Variants in TELO2 observed in about 807,000 individuals in gnomAD.
TELO2 encodes telomere length regulation protein TEL2 homolog.
In TELO2, 71 loss-of-function variants were observed where a neutral mutation model predicts 91.0. That is an observed-to-expected ratio of 0.78 (90% CI 0.64 to 0.95). TELO2 has a LOEUF of 0.95. Among genes scored for constraint, TELO2 ranks in the 40% least tolerant of loss-of-function variants. The probability of loss-of-function intolerance (pLI) is 0.00; values close to 1 mark genes in which losing one functional copy is unlikely to be tolerated. For synonymous variants in TELO2, 584 were observed against 518.9 expected, an observed-to-expected ratio of 1.13 and a Z score of -1.71; for missense variants, 1,183 against 1,141.3, an observed-to-expected ratio of 1.04 and a Z score of -0.53.
chr16:1,500,037 C>A, intron 6 of TELO2, 59 bp from the exon 7 acceptor site: 1 of 1,560,040 alleles, frequency 6.4e-7, no homozygotes. Flanking sequence ...GCCTTGGGAG[C>A]CCCGGGCTGG....
At chr16:1,502,429 G>T in intron 13 of TELO2, 25 bp downstream of exon 13, 2 of 1,574,056 alleles carry the variant, frequency 1.3e-6, no homozygotes, top group South Asian at 1.2e-5. Context: ...GGAGTGGGTG[G>T]GGAGGCCCAA....
In TELO2 at chr16:1,500,178, G is replaced by T; in HGVS notation, c.1002+14G>T. 1 of 1,596,384 alleles carries T rather than the reference G, an allele frequency of 6.3e-7. No homozygotes were observed. Reference sequence around the variant, plus strand: ...CTCCTGCTGCAGGTACGTGCCTCCTGGCTCTCCGTCCCTGCGAGGCCCTGG... The same window carrying T: ...CTCCTGCTGCAGGTACGTGCCTCCTTGCTCTCCGTCCCTGCGAGGCCCTGG... On this transcript the variant is annotated intron_variant, in intron 7 of 20. Transcript: ENST00000262319.
intron 18 of TELO2, 25 bp from the exon 19 acceptor site, chr16:1,507,281 T>C (rs1366781104): frequency 1.9e-6 from 3 of 1,605,210 alleles, no homozygotes; most frequent in East Asian, 2.2e-5. Context: ...GGGACCCCAC[T>C]GACTGTCCCT....
chr16:1,509,983 C>T lies in TELO2; in HGVS notation c.*47C>T, dbSNP rs748837231. ...CCACCCTCGCCGACAGCAAGGCAGG[C>T]GGCTGAGCAGCGGCCTGGAGCAGCA... is the stretch of plus-strand genomic sequence containing the variant. On this transcript the variant is annotated 3_prime_UTR_variant, in exon 21 of 21. Coordinates refer to ENST00000262319, the MANE Select transcript of TELO2 (RefSeq NM_016111.4). The T allele has an allele frequency of 1.4e-5, 21 of 1,514,728 alleles. No homozygotes were observed. The highest frequency in any genetic ancestry group is 7.3e-5 in the East Asian group (3 of 40,998). The allele number at this position is 1,514,728 out of a possible 1,614,324, so 93.8% of individuals were successfully genotyped here.
At chr16:1,502,610 C>T in intron 13 of TELO2, 35 bp from the exon 14 acceptor site, 1 of 1,598,892 alleles carries the variant, frequency 6.3e-7, no homozygotes, top group Non-Finnish European at 8.5e-7. Flanking sequence ...GCAGCTGGGT[C>T]CGACAGGTTT....
chr16:1,506,272 G>A lies in TELO2; in HGVS notation c.2069G>A (p.Ser690Asn), dbSNP rs142181380. The A allele has an allele frequency of 6.2e-7, 1 of 1,613,888 alleles. No individual in the cohort carries two copies. The highest frequency in any genetic ancestry group is 8.5e-7 in the Non-Finnish European group (1 of 1,180,012). Residue 690 changes from serine (S) to asparagine (N), a missense_variant, in exon 17 of 21, where the codon AGC (serine) becomes AAC (asparagine). Ser to Asn is a conservative substitution (Grantham distance 46). Transcript: ENST00000262319. ...GPRQGPAGSPSRFNSVAGHFF... is the reference protein window; with the variant it reads ...GPRQGPAGSPNRFNSVAGHFF... ...AGGCAGGGCCCGGCAGGCAGCCCCA[G>A]CAGATTCAACTCCGTGGCCGGCCAC... is the stretch of plus-strand genomic sequence containing the variant.
chr16:1,494,492 AGCCC>A lies in TELO2; in HGVS notation c.212_215del (p.Ser71LysfsTer32). On this transcript the variant is annotated frameshift_variant, in exon 2 of 21. Transcript: ENST00000262319. LOFTEE classifies it high-confidence loss of function. This position sits in a 1 kb window ranked among gnomAD's most constrained non-coding sequence, Gnocchi z 5.6. ...CCTCAGATGTCTTGCCAGCAGGCTG[AGCCC>A]AGCCTGGCTGGAGCTGCTGCCCCAT... 6.2e-7 allele frequency: 1 copy of A among 1,613,192 alleles called. No individual in the cohort carries two copies. Among genetic ancestry groups the A allele is most frequent in the East Asian group, 2.2e-5 (1 of 44,850 alleles).
chr16:1,500,551 C>T lies in TELO2; in HGVS notation c.1145-12C>T, dbSNP rs753115565. 2.5e-5 allele frequency: 40 copies of T among 1,611,188 alleles called. No homozygotes were observed. Among genetic ancestry groups the T allele is most frequent in the Middle Eastern group, 3.3e-4 (2 of 6,066 alleles). ...CCCCGAGGTGCTCAGGGGGCCTGTC[C>T]GGTGCTTGCAGAACTGCTGGCCAGC... On this transcript the variant is annotated splice_polypyrimidine_tract_variant and intron_variant, in intron 8 of 20. Coordinates refer to ENST00000262319, the MANE Select transcript of TELO2 (RefSeq NM_016111.4).
At chr16:1,500,769 C>T in intron 9 of TELO2, 70 bp downstream of exon 9, 1 of 1,568,586 alleles carries the variant, frequency 6.4e-7, no homozygotes, top group Non-Finnish European at 8.6e-7. Flanking sequence ...CCTCTCCAGC[C>T]CCAGGGTCAC....
rs2141047342 is a variant in TELO2 at position 1,502,318 on chromosome 16, A to C, written c.1567A>C (p.Thr523Pro). ...AYVRDCVEALTTSEDIERWEA... is the reference protein window; with the variant it reads ...AYVRDCVEALPTSEDIERWEA... ...CCTCTCTGGGTTCTGTGCAGCCCTG[A>C]CCACGTCTGAGGACATAGAGCGCTG... is the stretch of plus-strand genomic sequence containing the variant. The change falls in exon 13 of 21, where the codon ACC becomes CCC. Residue 523 changes from threonine to proline, a missense_variant. Physicochemically the swap from Thr to Pro is conservative, Grantham distance 38 (BLOSUM62 -1). Transcript: ENST00000262319. 1 of 1,603,980 alleles carries C rather than the reference A, an allele frequency of 6.2e-7. No homozygotes were observed. Among genetic ancestry groups the C allele is most frequent in the East Asian group, 2.2e-5 (1 of 44,526 alleles).
Position 1,495,337 on chromosome 16 carries a change from TATC to T in TELO2, c.336-8_336-6del. On this transcript the variant is annotated splice_region_variant and splice_polypyrimidine_tract_variant and intron_variant, in intron 2 of 20. Transcript: ENST00000262319. ...TTGGCGGCTCTGCCCAACACGCCCG[TATC>T]TTCAGCCCCAGCTTCCGGCTGATGA... The T allele has an allele frequency of 6.5e-7, 1 of 1,535,786 alleles. No individual in the cohort carries two copies. Among genetic ancestry groups the T allele is most frequent in the Non-Finnish European group, 8.8e-7 (1 of 1,136,394 alleles).
In TELO2 at chr16:1,495,592, G is replaced by A. The variant is rs1405731378; in HGVS notation, c.582G>A (p.Arg194=). Residue 194 remains arginine, a synonymous_variant, in exon 3 of 21, where the codon CGG becomes CGA. Transcript: ENST00000262319. The part of the protein sequence containing the change: ...YFRLLGEEVV[R]VLQAVVDSLQ... ...GCCTGCTCGGCGAGGAGGTCGTCCG[G>A]GTGCTGCAGGCGGTTGTGGACTCTC... 2 of 1,606,054 alleles carry A rather than the reference G, an allele frequency of 1.2e-6. No individual in the cohort carries two copies. Among genetic ancestry groups the A allele is most frequent in the South Asian group, 1.1e-5 (1 of 90,828 alleles).
At chr16:1,506,439 G>A (rs1221002329) in intron 17 of TELO2, 110 bp downstream of exon 17, 1 of 1,585,292 alleles carries the variant, frequency 6.3e-7, no homozygotes, top group East Asian at 2.3e-5. Flanking sequence ...TGTGAACAGG[G>A]TCGTGCTTTG....
chr16:1,506,442 G>T, intron 17 of TELO2, 113 bp downstream of exon 17: 1 of 1,575,860 alleles, frequency 6.3e-7, no homozygotes, highest in Non-Finnish European at 8.6e-7. Context: ...GAACAGGGTC[G>T]TGCTTTGCTG....
rs1596251188 is a variant in TELO2, at chr16:1,496,463, G to A, written c.614-573G>A. Among the ~76,000 whole-genome samples the A allele has an allele frequency of 2.0e-5, 3 of 152,370 alleles. No individual in the cohort carries two copies. The East Asian group carries it at 5.8e-4, about 29-fold the overall frequency. ...GTGCATGGGCCCATGTATTAAGGAG[G>A]CTTTGGGAACATCTCGGACACATGT... On this transcript the variant is annotated intron_variant, in intron 3 of 20. Coordinates refer to ENST00000262319, the MANE Select transcript of TELO2 (RefSeq NM_016111.4).
chr16:1,498,878 AT>A (rs1418049058), intron 5 of TELO2, among the ~76,000 whole-genome samples: 2 of 152,166 alleles, frequency 1.3e-5, no homozygotes, highest in East Asian at 3.9e-4. Context: ...CTTGGACAAA[AT>A]TTGGCCCGCT....
intron 5 of TELO2, among the ~76,000 whole-genome samples, chr16:1,498,775 C>T (rs1001436714): frequency 4.6e-5 from 7 of 152,198 alleles, no homozygotes; most frequent in African/African-American, 1.7e-4. Flanking sequence ...TCTGTTTCCA[C>T]ACTGGCTGGA....
Position 1,495,642 on chromosome 16 carries a change from G to A in TELO2, c.613+19G>A. On this transcript the variant is annotated intron_variant, in intron 3 of 20. Coordinates refer to ENST00000262319, the MANE Select transcript of TELO2 (RefSeq NM_016111.4). ...CTCCAAGGTGAGGCCCTGCCTCGGGGACCCCCTTTGCCACCCGTCTTCTTG... is the reference window on the plus strand; with the variant it reads ...CTCCAAGGTGAGGCCCTGCCTCGGGAACCCCCTTTGCCACCCGTCTTCTTG... 1.3e-6 allele frequency: 2 copies of A among 1,565,996 alleles called. No individual in the cohort carries two copies. The highest frequency in any genetic ancestry group is 8.7e-7 in the Non-Finnish European group (1 of 1,152,548).
chr16:1,509,784 C>T (rs765989292), intron 20 of TELO2, 46 bp from the exon 21 acceptor site: 35 of 1,525,390 alleles, frequency 2.3e-5, no homozygotes, highest in East Asian at 4.8e-5. Context: ...AGGGAGAATA[C>T]GCCCTCCACG....
Sources: allele counts gnomAD v4.1 joint callset (sites outside exome capture counted in the v4.1 genomes callset), GRCh38; gene constraint gnomAD v4.1.1; non-coding constraint Gnocchi (gnomAD v3.1); transcripts MANE v1.5; gene names NCBI Gene and HGNC (gene_info 2026-07-23, HGNC 2026-07-21).